CDIN1: variants seen among roughly 807,000 people sequenced by gnomAD.
CDIN1 encodes the protein CDAN1 interacting nuclease 1.
In CDIN1, 33 loss-of-function variants were observed where a neutral mutation model predicts 45.3. The observed-to-expected ratio is 0.73, with a 90% CI of 0.55 to 0.97. CDIN1 has a LOEUF of 0.97. Among genes scored for constraint, CDIN1 ranks in the 50% least tolerant of loss-of-function variants. The pLI, the probability that CDIN1 is intolerant of heterozygous loss-of-function variation, is 0.00. For synonymous variants in CDIN1, 118 were observed against 124.4 expected, an observed-to-expected ratio of 0.95 and a Z score of 0.34; for missense variants, 303 against 339.4, an observed-to-expected ratio of 0.89 and a Z score of 0.84.
intron 10 of CDIN1, among the ~76,000 whole-genome samples, chr15:36,732,788 A>T (rs1193100391): frequency 6.6e-6 from 1 of 152,036 alleles, no homozygotes; most frequent in Non-Finnish European, 1.5e-5. Flanking sequence ...AAATTATAAC[A>T]TCCTATATTT....
Position 36,809,874 on chromosome 15 carries a change from G to A in CDIN1, c.*1421G>A, listed in dbSNP as rs1319793134. The stretch of plus-strand genomic sequence containing the variant: ...AAGGACACAAACCTGGTCCCAACAT[G>A]TGTGGATTTTAACTCTGAGTGGGGT... On this transcript the variant is annotated 3_prime_UTR_variant, in exon 11 of 11. Transcript: ENST00000566621. 1.3e-5 allele frequency: 2 copies of A among 152,102 alleles called. No homozygotes were observed. Among genetic ancestry groups the A allele is most frequent in the African/African-American group, 4.8e-5 (2 of 41,446 alleles). 9.4% of individuals were successfully genotyped at this position (152,102 alleles called of 1,614,324 possible).
intron 2 of CDIN1, among the ~76,000 whole-genome samples, chr15:36,644,632 A>G (rs2040239854): frequency 6.6e-6 from 1 of 152,126 alleles, no homozygotes; most frequent in South Asian, 2.1e-4. Flanking sequence ...TTGCACTGTC[A>G]GTGCTGCTTT....
intron 10 of CDIN1, among the ~76,000 whole-genome samples, chr15:36,740,202 C>CT (rs1311177741): frequency 6.6e-6 from 1 of 152,080 alleles, no homozygotes; most frequent in African/African-American, 2.4e-5. Flanking sequence ...TGAAGGACCT[C>CT]TTTTTTGCAT....
chr15:36,775,867 G>A (rs1330095928), intron 10 of CDIN1, among the ~76,000 whole-genome samples: 1 of 152,008 alleles, frequency 6.6e-6, no homozygotes, highest in Admixed American at 6.5e-5. Flanking sequence ...GTTTCTACCT[G>A]GATTTACTTA....
At chr15:36,764,482 A>G (rs776608788) in intron 10 of CDIN1, among the ~76,000 whole-genome samples, 3 of 152,154 alleles carry the variant, frequency 2.0e-5, no homozygotes, top group African/African-American at 7.2e-5. Flanking sequence ...AGGCAAGAAA[A>G]TGTTAATGGG....
At chr15:36,712,184 C>G (rs988854298) in intron 10 of CDIN1, among the ~76,000 whole-genome samples, 3 of 150,528 alleles carry the variant, frequency 2.0e-5, no homozygotes, top group South Asian at 4.2e-4. Context: ...CCAATATTAC[C>G]TAATTGTCCC....
chr15:36,728,990 A>G (rs1373658352), intron 10 of CDIN1, among the ~76,000 whole-genome samples: 3 of 152,202 alleles, frequency 2.0e-5, no homozygotes, highest in East Asian at 1.9e-4. Context: ...TTATTTTTTA[A>G]TGGTTTTCAA....
At chr15:36,692,222 C>CACA in intron 7 of CDIN1, 47 bp downstream of exon 7, 1 of 1,553,710 alleles carries the variant, frequency 6.4e-7, no homozygotes, top group Non-Finnish European at 8.9e-7. Context: ...CGAGCTTAGA[C>CACA]TCAGTGGAGA....
intron 10 of CDIN1, among the ~76,000 whole-genome samples, chr15:36,797,869 C>A (rs752730211): frequency 5.9e-5 from 9 of 151,522 alleles, no homozygotes; most frequent in South Asian, 2.1e-4. Flanking sequence ...AGTCCCAGCT[C>A]CTCAGGAGAC....
intron 10 of CDIN1, among the ~76,000 whole-genome samples, chr15:36,746,669 C>CCACACACACACA (rs34320677): frequency 0.034 from 4,738 of 141,408 alleles, 102 homozygotes; most frequent in South Asian, 0.07. Context: ...ATATATGGTT[C>CCACACACACACA]CACACACACA....
intron 10 of CDIN1, chr15:36,746,794 C>A: frequency 2.2e-5 from 3 of 136,654 alleles, no homozygotes; most frequent in Non-Finnish European, 2.7e-5. Flanking sequence ...GGGTCTCACT[C>A]TGTTGCCCAG....
chr15:36,581,148 C>G (rs553847293), intron 1 of CDIN1, among the ~76,000 whole-genome samples: 43 of 152,278 alleles, frequency 2.8e-4, no homozygotes, highest in African/African-American at 1.0e-3. Context: ...AATTTTCTGT[C>G]ATTAACTCTT....
At chr15:36,753,666 T>TA (rs1407425957) in intron 10 of CDIN1, among the ~76,000 whole-genome samples, 1 of 151,536 alleles carries the variant, frequency 6.6e-6, no homozygotes, top group Non-Finnish European at 1.5e-5. Flanking sequence ...TCAGTGGAGA[T>TA]AATTTAGCCA....
At chr15:36,767,453 T>C (rs1288265713) in intron 10 of CDIN1, among the ~76,000 whole-genome samples, 2 of 152,238 alleles carry the variant, frequency 1.3e-5, no homozygotes, top group Non-Finnish European at 2.9e-5. Flanking sequence ...AGTCACCTAG[T>C]AATTTCATAT....
At chr15:36,649,789 CTG>C (rs1310825655) in intron 3 of CDIN1, among the ~76,000 whole-genome samples, 3 of 152,228 alleles carry the variant, frequency 2.0e-5, no homozygotes, top group African/African-American at 7.2e-5. Context: ...CCACAGCACT[CTG>C]TATAGACATA....
chr15:36,712,177 A>G (rs975980357), intron 10 of CDIN1, among the ~76,000 whole-genome samples: 2 of 151,616 alleles, frequency 1.3e-5, no homozygotes, highest in South Asian at 4.2e-4. Flanking sequence ...ATAAAAACCA[A>G]TATTACCTAA....
intron 10 of CDIN1, among the ~76,000 whole-genome samples, chr15:36,787,371 A>C (rs2890822): frequency 6.6e-6 from 1 of 152,014 alleles, no homozygotes; most frequent in African/African-American, 2.4e-5. Flanking sequence ...CAAGCATTTC[A>C]GTGTAATATT....
At chr15:36,725,537 A>G (rs1306947488) in intron 10 of CDIN1, among the ~76,000 whole-genome samples, 1 of 152,166 alleles carries the variant, frequency 6.6e-6, no homozygotes, top group African/African-American at 2.4e-5. Context: ...GGAATTCAGA[A>G]GTTTGAGGAT....
chr15:36,767,440 C>G (rs191607504), intron 10 of CDIN1, among the ~76,000 whole-genome samples: 55 of 152,282 alleles, frequency 3.6e-4, no homozygotes, highest in African/African-American at 1.3e-3. Context: ...AATGGCCTTA[C>G]AAAGTCACCT....
Sources: gnomAD v4.1 joint callset for allele counts (sites outside exome capture counted in the v4.1 genomes callset) on GRCh38, gnomAD v4.1.1 for gene constraint, MANE v1.5 for transcripts, NCBI Gene and HGNC (gene_info 2026-07-23, HGNC 2026-07-21) for gene names.